SYT16: variants seen among roughly 807,000 people sequenced by gnomAD.
SYT16 encodes the protein synaptotagmin 16.
SYT16 carries 42 observed loss-of-function variants against 61.4 expected under a neutral mutation model. The observed-to-expected ratio is 0.68, with a 90% confidence interval of 0.53 to 0.89. SYT16 has a LOEUF of 0.89. SYT16 is among the 40% of genes least tolerant of loss of function. SYT16 has a pLI of 0.00. For synonymous variants in SYT16, 314 were observed against 302.3 expected (o/e 1.04, Z -0.40); for missense variants, 804 against 807.3 (o/e 1.00, Z 0.05).
intron 3 of SYT16, among the ~76,000 whole-genome samples, chr14:62,020,971 A>G (rs2053886020): frequency 1.3e-5 from 2 of 152,118 alleles, no homozygotes; most frequent in African/African-American, 4.8e-5. Context: ...TCTGATTTTT[A>G]AAAAACCTGT....
rs1418526164 is a variant in SYT16, at chr14:62,070,535, ACCTTGTTAC to A, written c.736+721_736+729del. 2.0e-5 allele frequency among the ~76,000 whole-genome samples: 3 copies of A among 152,300 alleles called. No homozygotes were observed. In the East Asian group the frequency reaches 5.8e-4, roughly 29 times the overall value. On this transcript the variant is annotated intron_variant, in intron 4 of 7. Transcript: ENST00000683842. ...GCAGCCAGCTTGGGATGTTGGGCAGACCTTGTTACAGGTCCTCCTCCCCTCTCTAACATT... is the reference window on the plus strand; with the variant it reads ...GCAGCCAGCTTGGGATGTTGGGCAGAAGGTCCTCCTCCCCTCTCTAACATT...
At position 62,100,428 on chromosome 14, in the gene SYT16, G is replaced by C. The variant is rs746605716; in HGVS notation, c.1659G>C (p.Val553=). 96 of 1,611,688 alleles carry C rather than the reference G, an allele frequency of 6.0e-5. No individual in the cohort carries two copies. Among genetic ancestry groups the C allele is most frequent in the Non-Finnish European group, 7.9e-5 (93 of 1,178,966 alleles). ...TYGKLFLLNS[V]GQEMSRCKTS... ...GAAAACTCTTTCTCCTCAATTCTGT[G>C]GGTCAAGAGATGTCCCGTTGCAAGA... The change falls in exon 8 of 8, where the codon GTG becomes GTC. Residue 553 remains valine, a synonymous_variant. Transcript: ENST00000683842.
intron 3 of SYT16, among the ~76,000 whole-genome samples, chr14:62,064,230 T>G (rs879892341): frequency 1.3e-5 from 2 of 148,290 alleles, no homozygotes; most frequent in Non-Finnish European, 3.0e-5. Context: ...TTTCAAAGAT[T>G]AAGTTAAATG....
chr14:62,054,360 G>GTTGTTTTTTTTT lies in SYT16; in HGVS notation c.524-15241_524-15240insGTTTTTTTTTTT, dbSNP rs1411904235. On this transcript the variant is annotated intron_variant, in intron 3 of 7. Coordinates refer to ENST00000683842, the MANE Select transcript of SYT16 (RefSeq NM_001367656.1). ...TAAAAGCTGTTACTTAGTGAAGTGA[G>GTTGTTTTTTTTT]TTTTTTTTTTTTTTTTTGGAGATAG... Among the ~76,000 whole-genome samples the GTTGTTTTTTTTT allele has an allele frequency of 5.9e-5, 7 of 118,296 alleles. 1 individual carries two copies. Among genetic ancestry groups the GTTGTTTTTTTTT allele is most frequent in the Non-Finnish European group, 1.0e-4 (6 of 58,628 alleles). 77.6% of individuals were successfully genotyped at this position (118,296 alleles called of 152,430 possible).
chr14:61,925,055 G>A (rs185926214), intron 1 of SYT16, among the ~76,000 whole-genome samples: 11 of 152,316 alleles, frequency 7.2e-5, no homozygotes, highest in African/African-American at 2.6e-4. Context: ...AGTTGTTAGA[G>A]GTGCTGGGAA....
intron 1 of SYT16, among the ~76,000 whole-genome samples, chr14:61,947,574 A>G (rs373755335): frequency 1.1e-4 from 16 of 152,210 alleles, no homozygotes; most frequent in African/African-American, 3.9e-4. Flanking sequence ...CAGTTTACTG[A>G]TAGGGTTATT....
intron 2 of SYT16, among the ~76,000 whole-genome samples, chr14:61,971,415 G>GT (rs1429097771): frequency 6.6e-6 from 1 of 152,140 alleles, no homozygotes; most frequent in Admixed American, 6.5e-5. Context: ...TGGTGTCAGA[G>GT]TCCCCTCCAG....
At chr14:61,910,930 C>T (rs1001555236) in intron 1 of SYT16, among the ~76,000 whole-genome samples, 6 of 152,148 alleles carry the variant, frequency 3.9e-5, no homozygotes, top group African/African-American at 1.4e-4. Flanking sequence ...ACCATTTTTC[C>T]GAAGTTGTTT....
intron 2 of SYT16, among the ~76,000 whole-genome samples, chr14:61,970,561 G>A (rs944938418): frequency 6.6e-6 from 1 of 152,174 alleles, no homozygotes; most frequent in Admixed American, 6.5e-5. Flanking sequence ...TTTGACAAGA[G>A]CCTTGATGCG....
At chr14:62,091,130 C>T (rs1664494410) in intron 7 of SYT16, among the ~76,000 whole-genome samples, 2 of 152,106 alleles carry the variant, frequency 1.3e-5, no homozygotes. Flanking sequence ...TTAAAAAACC[C>T]AGTTACCTAT....
intron 1 of SYT16, among the ~76,000 whole-genome samples, chr14:61,931,329 AG>A (rs1211313075): frequency 6.6e-6 from 1 of 152,244 alleles, no homozygotes; most frequent in African/African-American, 2.4e-5. Context: ...TTCTAGGGAC[AG>A]GATGGAGCCA....
chr14:61,917,984 T>C (rs1247034555), intron 1 of SYT16, among the ~76,000 whole-genome samples: 1 of 152,154 alleles, frequency 6.6e-6, no homozygotes, highest in East Asian at 1.9e-4. Context: ...TATAGAATGA[T>C]AAGAAAGCAA....
intron 1 of SYT16, among the ~76,000 whole-genome samples, chr14:61,951,588 T>A (rs1851745842): frequency 6.6e-6 from 1 of 152,090 alleles, no homozygotes; most frequent in Non-Finnish European, 1.5e-5. Context: ...TCTTCCAAGA[T>A]TTTTTTTATC....
intron 1 of SYT16, among the ~76,000 whole-genome samples, chr14:61,920,692 A>G (rs1476591594): frequency 6.6e-6 from 1 of 152,204 alleles, no homozygotes; most frequent in Non-Finnish European, 1.5e-5. Context: ...GAGTTCATTC[A>G]TTTGTTGAAT....
chr14:62,072,870 A>G (rs1408996933), intron 4 of SYT16, among the ~76,000 whole-genome samples: 1 of 152,212 alleles, frequency 6.6e-6, no homozygotes, highest in South Asian at 2.1e-4. Context: ...GAACTAAGCA[A>G]GTGGAAGAAT....
At chr14:61,944,926 A>G (rs1168780133) in intron 1 of SYT16, among the ~76,000 whole-genome samples, 4 of 152,236 alleles carry the variant, frequency 2.6e-5, no homozygotes, top group Admixed American at 2.6e-4. Flanking sequence ...ACAGCAAAAG[A>G]AACTATCATC....
At chr14:62,093,174 AAG>A (rs1490891323) in intron 7 of SYT16, among the ~76,000 whole-genome samples, 1 of 152,130 alleles carries the variant, frequency 6.6e-6, no homozygotes, top group Non-Finnish European at 1.5e-5. Flanking sequence ...TTAAAAATAG[AAG>A]AGAGTAGAGA....
At chr14:61,935,616 G>A (rs1458625147) in intron 1 of SYT16, among the ~76,000 whole-genome samples, 1 of 152,190 alleles carries the variant, frequency 6.6e-6, no homozygotes, top group Non-Finnish European at 1.5e-5. Flanking sequence ...CAAGCACAGA[G>A]TCGACACGTG....
At chr14:62,095,598 C>T (rs1382414199) in intron 7 of SYT16, among the ~76,000 whole-genome samples, 1 of 151,498 alleles carries the variant, frequency 6.6e-6, no homozygotes, top group Non-Finnish European at 1.5e-5. Context: ...AAACTATATA[C>T]ACACACACAC....
Sources: allele counts gnomAD v4.1 joint callset (sites outside exome capture counted in the v4.1 genomes callset), GRCh38; gene constraint gnomAD v4.1.1; transcripts MANE v1.5; gene names NCBI Gene and HGNC (gene_info 2026-07-23, HGNC 2026-07-21).